Variants in CACNA1E observed in about 807,000 individuals in gnomAD.
The protein encoded by CACNA1E is calcium voltage-gated channel subunit alpha1 E, also known as voltage-dependent R-type calcium channel subunit alpha-1E.
CACNA1E carries 40 observed loss-of-function variants against 259.2 expected under a neutral mutation model. The observed-to-expected ratio is 0.15, with a 90% CI of 0.12 to 0.20. CACNA1E has a LOEUF of 0.20. Among genes scored for constraint, CACNA1E ranks in the 10% least tolerant of loss-of-function variants. CACNA1E has a pLI of 1.00. For synonymous variants in CACNA1E, 1,104 were observed against 1,138.5 expected (o/e 0.97, Z 0.61); for missense variants, 1,874 against 3,040.1 (o/e 0.62, Z 9.02).
chr1:181,630,393 C>A (rs928971489), intron 6 of CACNA1E, among the ~76,000 whole-genome samples: 1 of 143,262 alleles, frequency 7.0e-6, no homozygotes, highest in Non-Finnish European at 1.5e-5. Context: ...TGCCCCCCCA[C>A]CCCGCCTTAA....
intron 17 of CACNA1E, 136 bp downstream of exon 17, chr1:181,724,673 G>A: frequency 1.5e-6 from 1 of 675,830 alleles, no homozygotes. Context: ...CTTCTGGACA[G>A]TTGGAGAGCC....
chr1:181,421,249 T>G lies in CACNA1E; in HGVS notation c.434+7669T>G, dbSNP rs193035620. Among the ~76,000 whole-genome samples, 684 of 152,328 alleles carry G rather than the reference T, an allele frequency of 4.5e-3. 6 individuals carry two copies. Among genetic ancestry groups the G allele is most frequent in the African/African-American group, 0.016 (660 of 41,566 alleles). On this transcript the variant is annotated intron_variant, in intron 2 of 11. Transcript: ENST00000524607. ...TTCTTGCAATGCTACTTGTAAATTG[T>G]GGGCTTGGGCACTTTGTAACCTCCG...
chr1:181,567,040 C>T (rs776190379), intron 3 of CACNA1E, among the ~76,000 whole-genome samples: 2 of 152,144 alleles, frequency 1.3e-5, no homozygotes, highest in Non-Finnish European at 2.9e-5. Flanking sequence ...AACATCAATA[C>T]AACATCTTCT....
At chr1:181,724,327 C>T in intron 16 of CACNA1E, 143 bp from the exon 17 acceptor site, 1 of 636,802 alleles carries the variant, frequency 1.6e-6, no homozygotes, top group South Asian at 1.9e-5. Flanking sequence ...CCTCTCTGTT[C>T]TCACAGCCCC....
intron 7 of CACNA1E, among the ~76,000 whole-genome samples, chr1:181,673,218 G>A (rs538838179): frequency 0.019 from 1,117 of 58,268 alleles, 6 homozygotes; most frequent in Non-Finnish European, 0.031. Context: ...GTATGTATAT[G>A]AGTATGTGTG....
intron 11 of CACNA1E, 106 bp from the exon 12 acceptor site, chr1:181,717,949 C>T (rs1654057992): frequency 1.6e-6 from 1 of 641,374 alleles, no homozygotes; most frequent in East Asian, 2.7e-5. Context: ...CACCGAATGT[C>T]CTGACGTGTG....
chr1:181,790,336 C>A, intron 43 of CACNA1E, 109 bp from the exon 44 acceptor site: 11 of 501,914 alleles, frequency 2.2e-5, no homozygotes, highest in Admixed American at 3.4e-5. Flanking sequence ...ATGTAAGTTA[C>A]TAGGTTTACA....
At chr1:181,342,588 G>T (rs972197152) in intron 1 of CACNA1E, among the ~76,000 whole-genome samples, 1 of 152,170 alleles carries the variant, frequency 6.6e-6, no homozygotes, top group Non-Finnish European at 1.5e-5. Flanking sequence ...CAGAATCCTT[G>T]CCGTCTGATT....
At chr1:181,422,832 G>T (rs1242884841) in intron 2 of CACNA1E, among the ~76,000 whole-genome samples, 3 of 152,076 alleles carry the variant, frequency 2.0e-5, no homozygotes, top group Non-Finnish European at 4.4e-5. Flanking sequence ...ATAGAAGCCT[G>T]CAACTTCTTG....
At chr1:181,795,657 G>T (rs1236811807) in intron 46 of CACNA1E, among the ~76,000 whole-genome samples, 1 of 151,448 alleles carries the variant, frequency 6.6e-6, no homozygotes, top group Non-Finnish European at 1.5e-5. Context: ...AGCCAGGATG[G>T]TCTCAATCTC....
chr1:181,350,269 CT>C (rs1260431895), intron 1 of CACNA1E, among the ~76,000 whole-genome samples: 2 of 152,266 alleles, frequency 1.3e-5, no homozygotes, highest in Non-Finnish European at 2.9e-5. Context: ...GCTGAAATCA[CT>C]CCCGTGGAGC....
chr1:181,649,918 T>C (rs1004576786), intron 6 of CACNA1E, among the ~76,000 whole-genome samples: 5 of 152,200 alleles, frequency 3.3e-5, no homozygotes, highest in African/African-American at 1.2e-4. Context: ...GCTTAATACC[T>C]GGGTGATGAA....
rs1297210049 is a variant in CACNA1E at position 181,485,131 on chromosome 1, CAT to C, written c.266+1122_266+1123del. 6.6e-6 allele frequency among the ~76,000 whole-genome samples: 1 copy of C among 152,224 alleles called. No homozygotes were observed. The highest frequency in any genetic ancestry group is 1.5e-5 in the Non-Finnish European group (1 of 68,044). On this transcript the variant is annotated intron_variant, in intron 1 of 47. Coordinates refer to ENST00000367573, the MANE Select transcript of CACNA1E (RefSeq NM_001205293.3). This position sits in a 1 kb window ranked among gnomAD's most constrained non-coding sequence, Gnocchi z 4.2. ...TTAAATATGGGGATGGGGTTGGAGACATGGGACTTTGGGAGGGAGATTTGGGA... is the reference window on the plus strand; with the variant it reads ...TTAAATATGGGGATGGGGTTGGAGACGGGACTTTGGGAGGGAGATTTGGGA...
At chr1:181,488,431 A>G (rs769384636) in intron 1 of CACNA1E, among the ~76,000 whole-genome samples, 3 of 152,188 alleles carry the variant, frequency 2.0e-5, no homozygotes, top group African/African-American at 4.8e-5. Context: ...ACAGATAGTG[A>G]CTGCAGCTGG....
chr1:181,550,362 G>A (rs1392135717), intron 3 of CACNA1E, among the ~76,000 whole-genome samples: 2 of 152,112 alleles, frequency 1.3e-5, no homozygotes, highest in Admixed American at 1.3e-4. Context: ...TAGAAAGGCT[G>A]GAGCTTGGGA....
intron 3 of CACNA1E, among the ~76,000 whole-genome samples, chr1:181,532,830 C>G (rs567952986): frequency 1.3e-5 from 2 of 152,234 alleles, no homozygotes; most frequent in Non-Finnish European, 2.9e-5. Flanking sequence ...CCTGCTACTA[C>G]GCTAATTTTA....
chr1:181,673,205 T>C (rs1013033416), intron 7 of CACNA1E, among the ~76,000 whole-genome samples: 2 of 112,084 alleles, frequency 1.8e-5, no homozygotes, highest in African/African-American at 6.2e-5. Context: ...TATGTTTATG[T>C]ATGTATGTAT....
chr1:181,746,289 G>T (rs77337032), intron 25 of CACNA1E, among the ~76,000 whole-genome samples: 1,777 of 152,298 alleles, frequency 0.012, 32 homozygotes, highest in African/African-American at 0.039. Flanking sequence ...TCCCCATGGG[G>T]TCTTTAGAAT....
At chr1:181,601,394 C>T (rs868537073) in intron 6 of CACNA1E, among the ~76,000 whole-genome samples, 1 of 152,178 alleles carries the variant, frequency 6.6e-6, no homozygotes, top group African/African-American at 2.4e-5. Flanking sequence ...TCCAAACACA[C>T]GGCTCCTCCC....
Sources: allele counts gnomAD v4.1 joint callset (sites outside exome capture counted in the v4.1 genomes callset), GRCh38; gene constraint gnomAD v4.1.1; non-coding constraint Gnocchi (gnomAD v3.1); transcripts MANE v1.5; gene names NCBI Gene and HGNC (gene_info 2026-07-23, HGNC 2026-07-21).